ANK3: variants seen among roughly 807,000 people sequenced by gnomAD.
ANK3 encodes the protein ankyrin-3.
Under a neutral mutation model 370.9 loss-of-function variants are expected in ANK3, and 57 were observed. The observed-to-expected ratio is 0.15, with a 90% confidence interval of 0.12 to 0.19. The LOEUF is 0.19. ANK3 is among the 10% of genes least tolerant of loss of function. The probability of loss-of-function intolerance (pLI) is 1.00; values close to 1 mark genes in which losing one functional copy is unlikely to be tolerated. For synonymous variants in ANK3, 1,929 were observed against 1,946.3 expected, an observed-to-expected ratio of 0.99 and a Z score of 0.23; for missense variants, 4,439 against 5,302.1, an observed-to-expected ratio of 0.84 and a Z score of 5.06.
At chr10:60,688,935 G>A (rs1361916112) in intron 1 of ANK3, among the ~76,000 whole-genome samples, 2 of 148,566 alleles carry the variant, frequency 1.3e-5, no homozygotes, top group Non-Finnish European at 3.0e-5. Flanking sequence ...GCGACAGAGT[G>A]AGACTCCGTT....
chr10:60,577,606 T>C (rs191490348), intron 2 of ANK3, among the ~76,000 whole-genome samples: 2 of 152,188 alleles, frequency 1.3e-5, no homozygotes, highest in East Asian at 1.9e-4. Flanking sequence ...CCTTCCACCA[T>C]GATTGTGAGG....
intron 1 of ANK3, among the ~76,000 whole-genome samples, chr10:60,694,776 C>G (rs2079417780): frequency 6.6e-6 from 1 of 151,644 alleles, no homozygotes; most frequent in Non-Finnish European, 1.5e-5. Context: ...ACAACCAGTA[C>G]CAGCCACTGC....
chr10:60,677,890 T>C (rs7080822), intron 1 of ANK3, among the ~76,000 whole-genome samples: 50,973 of 151,932 alleles, frequency 0.34, 8,748 homozygotes, highest in African/African-American at 0.38. Flanking sequence ...TAGATCCTGC[T>C]AGGCTTCTAC....
chr10:60,637,979 T>A (rs569971529), intron 1 of ANK3, among the ~76,000 whole-genome samples: 2 of 152,274 alleles, frequency 1.3e-5, no homozygotes, highest in African/African-American at 4.8e-5. Context: ...TGGCCCCAAC[T>A]TTCTGAGAGC....
At chr10:60,408,276 C>A (rs1031100522) in intron 2 of ANK3, among the ~76,000 whole-genome samples, 5 of 152,118 alleles carry the variant, frequency 3.3e-5, no homozygotes, top group Non-Finnish European at 7.4e-5. Context: ...TAATTGTCAA[C>A]CCCAGTGTTG....
intron 43 of ANK3, among the ~76,000 whole-genome samples, chr10:60,041,162 A>G (rs1420692327): frequency 6.6e-6 from 1 of 152,138 alleles, no homozygotes; most frequent in East Asian, 1.9e-4. Flanking sequence ...CTGTTCATCC[A>G]CCAGTGCCCC....
In ANK3 at chr10:60,068,824, T is replaced by G. The variant is rs1429304892; in HGVS notation, c.12057A>C (p.Lys4019Asn). 1 of 1,614,198 alleles carries G rather than the reference T, an allele frequency of 6.2e-7. No individual in the cohort carries two copies. ...KLVDRLSEEE[K>N]KMQSELSDEE... ...CATCGGACAACTCGGACTGCATCTTTTTTTCTTCTTCAGAGAGGCGGTCCA... is the reference window on the plus strand; with the variant it reads ...CATCGGACAACTCGGACTGCATCTTGTTTTCTTCTTCAGAGAGGCGGTCCA... Residue 4019 changes from lysine to asparagine, a missense_variant, in exon 37 of 44, where the codon AAA (lysine) becomes AAC (asparagine). By Grantham distance (94) the Lys-to-Asn change is moderately conservative. Around this residue, in one of 13 missense-constraint regions of ANK3, gnomAD observed 496 missense variants for 529.3 expected, o/e 0.94. Coordinates refer to ENST00000280772, the MANE Select transcript of ANK3 (RefSeq NM_020987.5).
At chr10:60,318,629 G>A (rs1198551771) in intron 1 of ANK3, among the ~76,000 whole-genome samples, 1 of 152,120 alleles carries the variant, frequency 6.6e-6, no homozygotes, top group Non-Finnish European at 1.5e-5. Flanking sequence ...TTGCTTTTGT[G>A]TTTCTGCATG....
At chr10:60,109,820 A>C (rs74896499) in intron 26 of ANK3, among the ~76,000 whole-genome samples, 1 of 152,232 alleles carries the variant, frequency 6.6e-6, no homozygotes, top group African/African-American at 2.4e-5. Context: ...ATAGAACTAT[A>C]AAGAAATTAA....
At chr10:60,513,720 A>G (rs2133167530) in intron 2 of ANK3, among the ~76,000 whole-genome samples, 1 of 152,270 alleles carries the variant, frequency 6.6e-6, no homozygotes, top group Non-Finnish European at 1.5e-5. Flanking sequence ...CTTTTAAAGT[A>G]ATGCATAGCA....
chr10:60,693,044 G>T (rs533533767), intron 1 of ANK3, among the ~76,000 whole-genome samples: 53 of 152,320 alleles, frequency 3.5e-4, no homozygotes, highest in African/African-American at 1.2e-3. Context: ...AGTGGGTGCA[G>T]TGCACCATGC....
intron 28 of ANK3, among the ~76,000 whole-genome samples, chr10:60,093,270 A>G (rs1393108700): frequency 6.6e-6 from 1 of 152,232 alleles, no homozygotes; most frequent in Admixed American, 6.5e-5. Flanking sequence ...TTAAATCGCT[A>G]TACAACATAT....
At chr10:60,539,596 A>C (rs1249323595) in intron 2 of ANK3, among the ~76,000 whole-genome samples, 4 of 151,976 alleles carry the variant, frequency 2.6e-5, no homozygotes, top group Non-Finnish European at 5.9e-5. Flanking sequence ...GTTTGAAGGT[A>C]GGCGTGCCCT....
intron 23 of ANK3, among the ~76,000 whole-genome samples, chr10:60,141,250 T>C (rs2094543411): frequency 6.6e-6 from 1 of 152,098 alleles, no homozygotes; most frequent in African/African-American, 2.4e-5. Context: ...CAAATGGGTG[T>C]TCTGCTTTAT....
intron 2 of ANK3, among the ~76,000 whole-genome samples, chr10:60,605,924 T>G (rs2078122977): frequency 6.6e-6 from 1 of 152,230 alleles, no homozygotes; most frequent in Non-Finnish European, 1.5e-5. Context: ...AGTTCCTGCC[T>G]TCTAAAGTCA....
chr10:60,385,800 G>C (rs940518164), intron 1 of ANK3, among the ~76,000 whole-genome samples: 12 of 151,990 alleles, frequency 7.9e-5, no homozygotes, highest in African/African-American at 2.9e-4. Flanking sequence ...ATTTCATTAG[G>C]TCACCTCAAA....
chr10:60,680,635 A>G (rs1274257145), intron 1 of ANK3, among the ~76,000 whole-genome samples: 2 of 152,148 alleles, frequency 1.3e-5, no homozygotes, highest in Admixed American at 1.3e-4. Context: ...TCTCTGGCTT[A>G]AATTTTGTTT....
intron 2 of ANK3, among the ~76,000 whole-genome samples, chr10:60,493,155 C>T (rs11813678): frequency 0.13 from 20,135 of 151,122 alleles, 1,599 homozygotes; most frequent in African/African-American, 0.22. Flanking sequence ...GGGAAAGGCA[C>T]GACTCATTTA....
chr10:60,657,177 T>A (rs2078876130), intron 1 of ANK3, among the ~76,000 whole-genome samples: 1 of 152,108 alleles, frequency 6.6e-6, no homozygotes. Flanking sequence ...AACCATTAGA[T>A]CTCGTGAGAC....
Sources: gnomAD v4.1 joint callset for allele counts (sites outside exome capture counted in the v4.1 genomes callset) on GRCh38, gnomAD v4.1.1 for gene constraint, gnomAD v4.1.1 regional missense constraint, MANE v1.5 for transcripts, NCBI Gene and HGNC (gene_info 2026-07-23, HGNC 2026-07-21) for gene names.